The following CNTRL variants were observed in gnomAD, a reference collection of about 807,000 sequenced individuals.
The protein encoded by CNTRL is 110 kDa centrosomal protein.
CNTRL carries 233 observed loss-of-function variants against 303.7 expected under a neutral mutation model. The observed-to-expected ratio is 0.77, with a 90% CI of 0.69 to 0.86. The LOEUF is 0.86. Among genes scored for constraint, CNTRL ranks in the 40% least tolerant of loss-of-function variants. The pLI is 0.00. For missense variants in CNTRL, 2,524 were observed against 2,650.6 expected, an observed-to-expected ratio of 0.95 and a Z score of 1.05; for synonymous variants, 900 against 922.2, an observed-to-expected ratio of 0.98 and a Z score of 0.44.
chr9:121,118,311 T>C (rs2050074685), intron 11 of CNTRL, 35 bp from the exon 12 acceptor site: 6 of 1,425,524 alleles, frequency 4.2e-6, no homozygotes, highest in Non-Finnish European at 5.6e-6. Context: ...GTTGTTCTTC[T>C]CTGTTAATTA....
chr9:121,100,973 A>AC (rs943686282), intron 7 of CNTRL, among the ~76,000 whole-genome samples: 6 of 151,724 alleles, frequency 4.0e-5, no homozygotes, highest in African/African-American at 7.3e-5. Flanking sequence ...AGACTTTAAC[A>AC]CCCCCCACTG....
chr9:121,136,784 A>G (rs2051221436), intron 15 of CNTRL, among the ~76,000 whole-genome samples: 1 of 152,244 alleles, frequency 6.6e-6, no homozygotes, highest in Admixed American at 6.5e-5. Context: ...AAGCACAGAC[A>G]TGGTCACCAT....
At chr9:121,090,637 G>A (rs571007425) in intron 4 of CNTRL, among the ~76,000 whole-genome samples, 1 of 152,274 alleles carries the variant, frequency 6.6e-6, no homozygotes, top group South Asian at 2.1e-4. Flanking sequence ...ACAGCTTACA[G>A]GCCAGATCAG....
At chr9:121,165,160 A>G (rs1208783851) in intron 35 of CNTRL, 60 bp downstream of exon 35, 1 of 1,457,274 alleles carries the variant, frequency 6.9e-7, no homozygotes, top group African/African-American at 1.5e-5. Context: ...AGATTCTTTG[A>G]TTTTTCTTAC....
intron 24 of CNTRL, among the ~76,000 whole-genome samples, chr9:121,149,658 C>T (rs559718642): frequency 1.2e-3 from 184 of 152,254 alleles, no homozygotes; most frequent in Non-Finnish European, 1.9e-3. Context: ...CTGCCTGCCT[C>T]GGCCTCCCAA....
intron 2 of CNTRL, among the ~76,000 whole-genome samples, chr9:121,085,414 AAT>A (rs1436726177): frequency 2.0e-5 from 3 of 152,230 alleles, no homozygotes; most frequent in African/African-American, 7.2e-5. Flanking sequence ...TGCAATAAAA[AAT>A]ATGCATACAG....
intron 7 of CNTRL, among the ~76,000 whole-genome samples, chr9:121,104,138 A>G (rs932850313): frequency 9.8e-5 from 15 of 152,352 alleles, no homozygotes; most frequent in Admixed American, 3.9e-4. Context: ...ATGTCCATCA[A>G]TGATAGACTG....
At position 121,140,459 on chromosome 9, in the gene CNTRL, A is replaced by T. The variant is rs529868043; in HGVS notation, c.2338-182A>T. On this transcript the variant is annotated intron_variant, in intron 16 of 43. Transcript: ENST00000373855. ...AATTGCATTCTAAATTCTTCATTTC[A>T]GTTAACATTGTTACACTGAGTTTGA... Among the ~76,000 whole-genome samples, 5 of 152,378 alleles carry T rather than the reference A, an allele frequency of 3.3e-5. No individual in the cohort carries two copies. In the East Asian group the frequency reaches 9.6e-4, roughly 29 times the overall value.
intron 24 of CNTRL, among the ~76,000 whole-genome samples, chr9:121,149,113 T>G (rs376818348): frequency 6.6e-6 from 1 of 152,204 alleles, no homozygotes; most frequent in East Asian, 1.9e-4. Context: ...TGCTCCTAAA[T>G]GGAGCCTTCT....
At chr9:121,087,814 A>T (rs2048405465) in intron 2 of CNTRL, among the ~76,000 whole-genome samples, 1 of 152,216 alleles carries the variant, frequency 6.6e-6, no homozygotes, top group African/African-American at 2.4e-5. Flanking sequence ...CTGATGTTTA[A>T]ATTACACTGC....
intron 8 of CNTRL, 100 bp from the exon 9 acceptor site, chr9:121,112,359 A>G (rs890029622): frequency 5.0e-6 from 5 of 1,000,994 alleles, no homozygotes; most frequent in African/African-American, 3.3e-5. Flanking sequence ...GTTTTTAAAC[A>G]TATATGATTA....
chr9:121,110,166 C>T (rs969051071), intron 8 of CNTRL, among the ~76,000 whole-genome samples: 3 of 152,060 alleles, frequency 2.0e-5, no homozygotes, highest in Non-Finnish European at 2.9e-5. Context: ...TAGTCCTGTC[C>T]TGCCACCAAC....
Position 121,173,311 on chromosome 9 carries a change from T to C in CNTRL, c.6486T>C (p.Ser2162=). The C allele has an allele frequency of 6.2e-7, 1 of 1,614,126 alleles. No homozygotes were observed. Among genetic ancestry groups the C allele is most frequent in the Non-Finnish European group, 8.5e-7 (1 of 1,179,998 alleles). The change falls in exon 41 of 44, where the codon TCT becomes TCC. Residue 2162 remains serine, a synonymous_variant. Transcript: ENST00000373855. The part of the protein sequence containing the change: ...EISDAMRTLK[S]EVKDEIRTSL... ...GTGATGCAATGAGGACACTTAAATC[T>C]GAGGTGAAGGATGAAATCAGAACCA...
intron 7 of CNTRL, among the ~76,000 whole-genome samples, chr9:121,104,732 G>A (rs1451913208): frequency 9.2e-5 from 10 of 108,802 alleles, no homozygotes; most frequent in Non-Finnish European, 1.4e-4. Context: ...ACAGAGTTTC[G>A]CTCTTGTTGG....
chr9:121,127,004 G>C lies in CNTRL; in HGVS notation c.2025+1068G>C, dbSNP rs1222068116. Among the ~76,000 whole-genome samples the C allele has an allele frequency of 2.0e-5, 3 of 152,006 alleles. No homozygotes were observed. In the East Asian group the frequency reaches 5.8e-4, roughly 29 times the overall value. ...CCCGGCTAATTTTGTATTTTTAGTA[G>C]AGATGGGGTTTCTCCATGTTGGTCA... On this transcript the variant is annotated intron_variant, in intron 14 of 43. Transcript: ENST00000373855.
intron 11 of CNTRL, among the ~76,000 whole-genome samples, chr9:121,116,945 A>T (rs2050004199): frequency 6.6e-6 from 1 of 152,232 alleles, no homozygotes; most frequent in South Asian, 2.1e-4. Flanking sequence ...TTTAAAAAGA[A>T]TTTTTTATAA....
Position 121,075,051 on chromosome 9 carries a change from G to T in CNTRL, c.-221G>T, listed in dbSNP as rs1177600144. On this transcript the variant is annotated 5_prime_UTR_variant, in exon 1 of 44. Transcript: ENST00000373855. ...TCTACCTCAGCCTGCGGGACTGCTC[G>T]GCTCGGCTTCTAGGCGGTGAGCGTC... The T allele has an allele frequency of 2.3e-6, 1 of 430,464 alleles. No homozygotes were observed. The highest frequency in any genetic ancestry group is 2.5e-5 in the Admixed American group (1 of 40,670). The allele number at this position is 430,464 out of a possible 1,614,324, so 26.7% of individuals were successfully genotyped here.
rs199966432 is a variant in CNTRL, at chr9:121,135,886, T to C, written c.2106T>C (p.Ser702=). The C allele has an allele frequency of 2.2e-5, 35 of 1,613,892 alleles. No individual in the cohort carries two copies. The highest frequency in any genetic ancestry group is 3.3e-5 in the South Asian group (3 of 91,076). Residue 702 remains serine, a synonymous_variant, in exon 15 of 44, where the codon AGT becomes AGC. Transcript: ENST00000373855. ...TGCAGCAGACCCAGGGAGATCTCAG[T>C]GCCTATGAAGCTGAGCTAGAGGCTC... The part of the protein sequence containing the change: ...ASLQQTQGDL[S]AYEAELEARL...
intron 15 of CNTRL, 37 bp from the exon 16 acceptor site, chr9:121,138,508 T>C: frequency 6.3e-7 from 1 of 1,597,448 alleles, no homozygotes; most frequent in Non-Finnish European, 8.5e-7. Flanking sequence ...ATTATTGCTG[T>C]TTTACACTTT....
Sources: gnomAD v4.1 joint callset for allele counts (sites outside exome capture counted in the v4.1 genomes callset) on GRCh38, gnomAD v4.1.1 for gene constraint, MANE v1.5 for transcripts, NCBI Gene and HGNC (gene_info 2026-07-23, HGNC 2026-07-21) for gene names.